DNMT1: variants seen among roughly 807,000 people sequenced by gnomAD.
DNMT1 encodes DNA (cytosine-5)-methyltransferase 1.
In DNMT1, 24 loss-of-function variants were observed where a neutral mutation model predicts 205.3. The observed-to-expected ratio is 0.12, with a 90% confidence interval of 0.08 to 0.16. The LOEUF (loss-of-function observed/expected upper bound fraction) is 0.16. DNMT1 is among the 10% of genes least tolerant of loss of function. The pLI is 1.00. For synonymous variants in DNMT1, 817 were observed against 839.8 expected (o/e 0.97, Z 0.47); for missense variants, 1,293 against 2,177.7 (o/e 0.59, Z 8.09).
intron 5 of DNMT1, among the ~76,000 whole-genome samples, chr19:10,178,361 A>T (rs2038974975): frequency 6.6e-6 from 1 of 151,790 alleles, no homozygotes. Context: ...GTTCGAGACC[A>T]CCTTGGCCAA....
Position 10,149,906 on chromosome 19 carries a change from C to A in DNMT1, c.2328G>T (p.Gly776=), listed in dbSNP as rs768381280. ...CATCTGGAATAACAGAGACACAGTC[C>A]CCCACTTCCAGGGTTTCCGCATCAA... ...VCIDAETLEV[G]DCVSVIPDDS... The change falls in exon 25 of 41, where the codon GGG becomes GGT. Residue 776 remains glycine (G), a synonymous_variant. Transcript: ENST00000359526. 1 of 1,614,158 alleles carries A rather than the reference C, an allele frequency of 6.2e-7. No individual in the cohort carries two copies. Among genetic ancestry groups the A allele is most frequent in the African/African-American group, 1.3e-5 (1 of 75,030 alleles).
Position 10,149,050 on chromosome 19 carries a change from G to C in DNMT1, c.2587-33C>G, listed in dbSNP as rs779011441. 5 of 1,612,336 alleles carry C rather than the reference G, an allele frequency of 3.1e-6. No homozygotes were observed. In the East Asian group the frequency reaches 8.9e-5, roughly 29 times the overall value. Reference sequence around the variant, plus strand: ...GATAAGAATGCGTGTCAGGCCAGGCGCAGTGGCTCATGCCTGTATTCCCAG... The same window carrying C: ...GATAAGAATGCGTGTCAGGCCAGGCCCAGTGGCTCATGCCTGTATTCCCAG... On this transcript the variant is annotated intron_variant, in intron 26 of 40. Transcript: ENST00000359526.
intron 13 of DNMT1, among the ~76,000 whole-genome samples, chr19:10,161,316 C>T (rs1471669374): frequency 1.5e-5 from 2 of 135,854 alleles, no homozygotes; most frequent in Admixed American, 8.0e-5. Context: ...AAAACAAATA[C>T]ATAAGTAAAT....
intron 1 of DNMT1, chr19:10,184,447 C>T (rs2039138635): frequency 6.6e-6 from 1 of 152,108 alleles, no homozygotes; most frequent in Non-Finnish European, 1.5e-5. Flanking sequence ...CCTGGGAAAT[C>T]GTGGTCTGAT....
At chr19:10,163,025 C>T (rs1265484205) in intron 12 of DNMT1, 11 of 531,336 alleles carry the variant, frequency 2.1e-5, no homozygotes, top group South Asian at 4.6e-5. Flanking sequence ...AGTGCAGTGG[C>T]GCAATCTTGG....
chr19:10,188,823 C>T (rs939597197), intron 1 of DNMT1, among the ~76,000 whole-genome samples: 1 of 152,116 alleles, frequency 6.6e-6, no homozygotes, highest in Non-Finnish European at 1.5e-5. Context: ...GGGCATGAGC[C>T]GAGGGATGAG....
chr19:10,181,992 G>C, intron 2 of DNMT1, 49 bp downstream of exon 2: 1 of 1,531,326 alleles, frequency 6.5e-7, no homozygotes, highest in Non-Finnish European at 9.0e-7. Flanking sequence ...GAGCCACAAA[G>C]TGTGTCAGTC....
In DNMT1 at chr19:10,140,345, G is replaced by A. The variant is rs766252283; in HGVS notation, c.3524-17C>T. On this transcript the variant is annotated splice_polypyrimidine_tract_variant and intron_variant, in intron 32 of 40. Transcript: ENST00000359526. The surrounding 1 kb of genome is among the most constrained non-coding windows in gnomAD (Gnocchi z 8.4). ...CAGAGATGCCTGGCAGATCAAGCACGAAGCCATGCTTTCAACTCTCCAGAA... is the reference window on the plus strand; with the variant it reads ...CAGAGATGCCTGGCAGATCAAGCACAAAGCCATGCTTTCAACTCTCCAGAA... 18 of 1,613,136 alleles carry A rather than the reference G, an allele frequency of 1.1e-5. No individual in the cohort carries two copies. Among genetic ancestry groups the A allele is most frequent in the Non-Finnish European group, 1.4e-5 (17 of 1,179,984 alleles).
In DNMT1 at chr19:10,134,401, A is replaced by T. The variant is rs79999027; in HGVS notation, c.4774-94T>A. The T allele has an allele frequency of 9.2e-3, 10,894 of 1,183,006 alleles. 759 individuals are homozygous for T. The African/African-American group carries it at 0.15, about 16-fold the overall frequency. The allele number at this position is 1,183,006 out of a possible 1,614,324, so 73.3% of individuals were successfully genotyped here. A position where few individuals can be genotyped will look rare whatever the true frequency, so the allele number is the denominator to read the frequency against. On this transcript the variant is annotated intron_variant, in intron 39 of 40. Coordinates refer to ENST00000359526, the MANE Select transcript of DNMT1 (RefSeq NM_001130823.3). ...GCCAGCCCCTGCTCAGATGGAGGACAACCTGGGCATTGCACCCCTTGGGGA... is the reference window on the plus strand; with the variant it reads ...GCCAGCCCCTGCTCAGATGGAGGACTACCTGGGCATTGCACCCCTTGGGGA...
chr19:10,143,991 C>T lies in DNMT1; in HGVS notation c.2895-4G>A. On this transcript the variant is annotated splice_polypyrimidine_tract_variant and splice_region_variant and intron_variant, in intron 28 of 40. Coordinates refer to ENST00000359526, the MANE Select transcript of DNMT1 (RefSeq NM_001130823.3). The stretch of plus-strand genomic sequence containing the variant: ...CACGGGACTGGACAGCTTGATGCTG[C>T]AGAGAAGCACCCACTTGACATCAAT... 6.2e-7 allele frequency: 1 copy of T among 1,613,556 alleles called. No individual in the cohort carries two copies. Among genetic ancestry groups the T allele is most frequent in the South Asian group, 1.1e-5 (1 of 91,062 alleles).
chr19:10,184,078 C>T (rs956877998), intron 1 of DNMT1, among the ~76,000 whole-genome samples: 41 of 152,042 alleles, frequency 2.7e-4, no homozygotes, highest in African/African-American at 9.2e-4. Context: ...AAAGAGGGGG[C>T]AGGTCATATA....
At chr19:10,160,574 C>G (rs1297301506) in intron 13 of DNMT1, among the ~76,000 whole-genome samples, 156 bp from the exon 14 acceptor site, 1 of 152,158 alleles carries the variant, frequency 6.6e-6, no homozygotes, top group Non-Finnish European at 1.5e-5. Flanking sequence ...CTGACTCACT[C>G]TACCATCTAA....
chr19:10,193,237 G>A (rs1445493527), intron 1 of DNMT1, among the ~76,000 whole-genome samples: 1 of 152,114 alleles, frequency 6.6e-6, no homozygotes, highest in South Asian at 2.1e-4. Context: ...GTGGGCGCCT[G>A]TGGTCCCAGC....
At chr19:10,163,921 G>A (rs564952166) in intron 11 of DNMT1, among the ~76,000 whole-genome samples, 6 of 152,044 alleles carry the variant, frequency 3.9e-5, no homozygotes, top group African/African-American at 7.2e-5. Flanking sequence ...TGGTCAGCTC[G>A]GGGGGCCCTG....
At position 10,173,983 on chromosome 19, in the gene DNMT1, AAATATT is replaced by A. The variant is rs1472652335; in HGVS notation, c.649-84_649-79del. 3.6e-6 allele frequency: 5 copies of A among 1,371,892 alleles called. No homozygotes were observed. The Admixed American group carries it at 8.4e-5, about 23-fold the overall frequency. 85.0% of individuals were successfully genotyped at this position (1,371,892 alleles called of 1,614,324 possible). A position where few individuals can be genotyped will look rare whatever the true frequency, so the allele number is the denominator to read the frequency against. On this transcript the variant is annotated intron_variant, in intron 7 of 40. Coordinates refer to ENST00000359526, the MANE Select transcript of DNMT1 (RefSeq NM_001130823.3). The stretch of plus-strand genomic sequence containing the variant: ...AGGTCAACACCAAAAGTGTGAGTTG[AAATATT>A]AACACATTTGACATGGTTAGAGCAA...
rs2038211229 is a variant in DNMT1 at position 10,146,676 on chromosome 19, TG to T, written c.2721-153del. ...GAAGAGGTGGCTTTCTTGTGCTTTG[TG>T]TTGACATTTTGAAGGCACTTATTTG... is the stretch of plus-strand genomic sequence containing the variant. On this transcript the variant is annotated intron_variant, in intron 27 of 40. Transcript: ENST00000359526. This position sits in a 1 kb window ranked among gnomAD's most constrained non-coding sequence, Gnocchi z 4.4. 5 of 1,032,540 alleles carry T rather than the reference TG, an allele frequency of 4.8e-6. No individual in the cohort carries two copies. In the Admixed American group the frequency reaches 1.3e-4, roughly 27 times the overall value. 64.0% of individuals were successfully genotyped at this position (1,032,540 alleles called of 1,614,324 possible).
In DNMT1 at chr19:10,151,575, C is replaced by A; in HGVS notation, c.2118-30G>T. The A allele has an allele frequency of 6.2e-7, 1 of 1,612,856 alleles. No individual in the cohort carries two copies. Among genetic ancestry groups the A allele is most frequent in the Non-Finnish European group, 8.5e-7 (1 of 1,180,022 alleles). On this transcript the variant is annotated intron_variant, in intron 23 of 40. Coordinates refer to ENST00000359526, the MANE Select transcript of DNMT1 (RefSeq NM_001130823.3). The surrounding 1 kb of genome is among the most constrained non-coding windows in gnomAD (Gnocchi z 5.0). Reference sequence around the variant, plus strand: ...AATGTCACTGGTTATACCTAAGGCCCCTTTTCTAAGTAAGACCAACCGGGG... The same window carrying A: ...AATGTCACTGGTTATACCTAAGGCCACTTTTCTAAGTAAGACCAACCGGGG...
intron 13 of DNMT1, among the ~76,000 whole-genome samples, chr19:10,162,072 C>T (rs1460821261): frequency 1.3e-5 from 2 of 151,808 alleles, no homozygotes; most frequent in Non-Finnish European, 2.9e-5. Flanking sequence ...AAACTCCTGA[C>T]CTCAGGTGAT....
Position 10,134,281 on chromosome 19 carries a change from C to A in DNMT1, c.4800G>T (p.Leu1600=). Residue 1600 remains leucine, a synonymous_variant, in exon 40 of 41, where the codon CTG becomes CTT. Transcript: ENST00000359526. ...RQVGNAVPPP[L]AKAIGLEIKL... is the part of the protein sequence containing the mutation. ...TGATCTCCAAGCCAATGGCTTTGGC[C>A]AGGGGCGGTGGCACGGCATTGCCCA... The A allele has an allele frequency of 6.2e-7, 1 of 1,614,152 alleles. No homozygotes were observed. Among genetic ancestry groups the A allele is most frequent in the Non-Finnish European group, 8.5e-7 (1 of 1,180,034 alleles).
Sources: allele counts gnomAD v4.1 joint callset (sites outside exome capture counted in the v4.1 genomes callset), GRCh38; gene constraint gnomAD v4.1.1; non-coding constraint Gnocchi (gnomAD v3.1); transcripts MANE v1.5; gene names NCBI Gene and HGNC (gene_info 2026-07-23, HGNC 2026-07-21).